KCNIP1: variants seen among roughly 807,000 people sequenced by gnomAD.
KCNIP1 encodes A-type potassium channel modulatory protein KCNIP1.
KCNIP1 carries 18 observed loss-of-function variants against 33.0 expected under a neutral mutation model. The observed-to-expected ratio is 0.55, with a 90% CI of 0.38 to 0.81. The LOEUF (loss-of-function observed/expected upper bound fraction) is 0.81, where lower values mean the gene tolerates loss of function less well. KCNIP1 is among the 30% of genes least tolerant of loss of function. The probability of loss-of-function intolerance (pLI) is 0.00; values close to 1 mark genes in which losing one functional copy is unlikely to be tolerated. For missense variants in KCNIP1, 238 were observed against 271.6 expected, an observed-to-expected ratio of 0.88 and a Z score of 0.87; for synonymous variants, 93 against 98.3, an observed-to-expected ratio of 0.95 and a Z score of 0.32.
chr5:170,370,247 T>G (rs1330357735), intron 1 of KCNIP1, among the ~76,000 whole-genome samples: 1 of 152,160 alleles, frequency 6.6e-6, no homozygotes, highest in Non-Finnish European at 1.5e-5. Context: ...ACACACTTAC[T>G]TGAAGAGAGA....
intron 1 of KCNIP1, among the ~76,000 whole-genome samples, chr5:170,587,727 C>T (rs1758053683): frequency 6.6e-6 from 1 of 152,242 alleles, no homozygotes; most frequent in African/African-American, 2.4e-5. Flanking sequence ...CTTGTGATTA[C>T]ATCAGGTTCA....
intron 1 of KCNIP1, chr5:170,379,016 A>G (rs1764128625): frequency 1.9e-6 from 3 of 1,596,328 alleles, no homozygotes; most frequent in South Asian, 1.1e-5. Flanking sequence ...GGAAATCCCC[A>G]TTTCTTAGCC....
chr5:170,508,618 A>C (rs1754805718), intron 1 of KCNIP1, among the ~76,000 whole-genome samples: 1 of 152,192 alleles, frequency 6.6e-6, no homozygotes, highest in South Asian at 2.1e-4. Context: ...GCAAAAGGAG[A>C]ATCCTGATGT....
intron 1 of KCNIP1, chr5:170,712,743 C>A: frequency 1.0e-6 from 1 of 993,970 alleles, no homozygotes; most frequent in Non-Finnish European, 1.6e-6. Context: ...TCGCATATGT[C>A]AAGCTGGACG....
chr5:170,383,971 T>G (rs751459308), intron 1 of KCNIP1: 2 of 958,040 alleles, frequency 2.1e-6, no homozygotes, highest in Non-Finnish European at 3.1e-6. Context: ...GATCCTCATC[T>G]TGTCTTCAGC....
intron 1 of KCNIP1, among the ~76,000 whole-genome samples, chr5:170,496,051 T>C (rs957391710): frequency 3.3e-5 from 5 of 152,122 alleles, no homozygotes; most frequent in African/African-American, 1.2e-4. Flanking sequence ...ACTGGCATGA[T>C]TACTAATCAT....
At chr5:170,588,690 C>T (rs1758091930) in intron 1 of KCNIP1, among the ~76,000 whole-genome samples, 1 of 152,130 alleles carries the variant, frequency 6.6e-6, no homozygotes, top group Non-Finnish European at 1.5e-5. Context: ...CCCAAGGGAC[C>T]CTGGAAGCTT....
intron 1 of KCNIP1, among the ~76,000 whole-genome samples, chr5:170,701,689 C>A (rs1318240024): frequency 2.6e-5 from 4 of 152,204 alleles, no homozygotes; most frequent in Admixed American, 2.6e-4. Flanking sequence ...CCAGGGCTCC[C>A]CCATGAGTGG....
intron 1 of KCNIP1, among the ~76,000 whole-genome samples, chr5:170,614,435 C>CAA (rs1759291676): frequency 6.6e-6 from 1 of 152,218 alleles, no homozygotes; most frequent in Non-Finnish European, 1.5e-5. Context: ...CCAGTGATCT[C>CAA]AACTTCATTT....
chr5:170,466,741 C>T (rs994463559), intron 1 of KCNIP1, among the ~76,000 whole-genome samples: 6 of 152,144 alleles, frequency 3.9e-5, no homozygotes, highest in African/African-American at 1.4e-4. Context: ...AAGCTCTCTG[C>T]GACTTCATTT....
At chr5:170,672,926 T>C (rs1428694909) in intron 1 of KCNIP1, among the ~76,000 whole-genome samples, 1 of 152,226 alleles carries the variant, frequency 6.6e-6, no homozygotes, top group Non-Finnish European at 1.5e-5. Context: ...GTAAAGGAGA[T>C]ATTTATAATT....
intron 1 of KCNIP1, among the ~76,000 whole-genome samples, chr5:170,603,087 TGGGATCCCACCCA>T (rs779440164): frequency 6.2e-4 from 94 of 151,732 alleles, no homozygotes; most frequent in African/African-American, 1.2e-3. Flanking sequence ...GGCGAAGGAG[TGGGATCCCACCCA>T]GGGATCCCAC....
chr5:170,722,141 C>T (rs2113875231), intron 4 of KCNIP1, among the ~76,000 whole-genome samples: 1 of 152,340 alleles, frequency 6.6e-6, no homozygotes, highest in East Asian at 1.9e-4. Flanking sequence ...CTTCCGGGCA[C>T]ACTGCTTCCC....
At chr5:170,448,453 GC>G (rs796077153) in intron 1 of KCNIP1, among the ~76,000 whole-genome samples, 6 of 152,370 alleles carry the variant, frequency 3.9e-5, no homozygotes, top group African/African-American at 1.4e-4. Flanking sequence ...AGCCATGGAG[GC>G]CCTGGGGGCT....
intron 1 of KCNIP1, among the ~76,000 whole-genome samples, chr5:170,448,968 C>T (rs1395518768): frequency 6.6e-6 from 1 of 152,158 alleles, no homozygotes. Context: ...AGCTGGGAAG[C>T]ACATGCAGCA....
At chr5:170,734,805 T>C (rs1405107465) in intron 7 of KCNIP1, among the ~76,000 whole-genome samples, 5 of 152,262 alleles carry the variant, frequency 3.3e-5, no homozygotes, top group Admixed American at 3.3e-4. Context: ...ATGTCCTATG[T>C]GCAGGGTGAT....
chr5:170,509,417 G>A (rs1581254702), intron 1 of KCNIP1, among the ~76,000 whole-genome samples: 1 of 152,310 alleles, frequency 6.6e-6, no homozygotes, highest in African/African-American at 2.4e-5. Flanking sequence ...AAAATCAGTG[G>A]GATTGTTTTG....
chr5:170,496,855 C>T (rs1226883695), intron 1 of KCNIP1, among the ~76,000 whole-genome samples: 1 of 152,172 alleles, frequency 6.6e-6, no homozygotes, highest in Non-Finnish European at 1.5e-5. Context: ...TCAAGTCTCA[C>T]TTCCACTCCT....
Position 170,504,029 on chromosome 5 carries a change from C to T in KCNIP1, c.-544C>T. The T allele has an allele frequency of 1.0e-6, 1 of 984,994 alleles. No homozygotes were observed. The highest frequency in any genetic ancestry group is 1.2e-6 in the Non-Finnish European group (1 of 829,884). 61.0% of individuals were successfully genotyped at this position (984,994 alleles called of 1,614,324 possible). A position where few individuals can be genotyped will look rare whatever the true frequency, so the allele number is the denominator to read the frequency against. On this transcript the variant is annotated 5_prime_UTR_variant, in exon 1 of 8. Coordinates refer to ENST00000328939, the MANE Select transcript of KCNIP1 (RefSeq NM_014592.4). The surrounding 1 kb of genome is among the most constrained non-coding windows in gnomAD (Gnocchi z 6.0). ...CCCCCTCCGCCGCTCCGACTCTCGC[C>T]CCGAGCGCTGGCAGCAGGCAGCAGG... is the stretch of plus-strand genomic sequence containing the variant.
Sources: gnomAD v4.1 joint callset for allele counts (sites outside exome capture counted in the v4.1 genomes callset) on GRCh38, gnomAD v4.1.1 for gene constraint, Gnocchi (gnomAD v3.1) non-coding constraint, MANE v1.5 for transcripts, NCBI Gene and HGNC (gene_info 2026-07-23, HGNC 2026-07-21) for gene names.